Variants in SUSD4 observed in about 807,000 individuals in gnomAD.
SUSD4 encodes sushi domain-containing protein 4.
SUSD4 carries 41 observed loss-of-function variants against 50.5 expected under a neutral mutation model. The observed-to-expected ratio is 0.81, with a 90% confidence interval of 0.63 to 1.05. The LOEUF (loss-of-function observed/expected upper bound fraction) is 1.05. Among genes scored for constraint, SUSD4 ranks in the 50% least tolerant of loss-of-function variants. SUSD4 has a pLI of 0.00. For synonymous variants in SUSD4, 257 were observed against 257.3 expected (o/e 1.00, Z 0.01); for missense variants, 580 against 634.7 (o/e 0.91, Z 0.93).
intron 2 of SUSD4, among the ~76,000 whole-genome samples, chr1:223,301,472 C>T (rs1665190254): frequency 6.6e-6 from 1 of 152,222 alleles, no homozygotes; most frequent in Non-Finnish European, 1.5e-5. Context: ...GTTCTAGAGA[C>T]TGGAGTACAC....
intron 3 of SUSD4, among the ~76,000 whole-genome samples, chr1:223,287,913 T>C (rs1349542389): frequency 6.6e-6 from 1 of 152,070 alleles, no homozygotes; most frequent in Admixed American, 6.6e-5. Context: ...CAGTTTAGTC[T>C]CCAAAAGCAC....
chr1:223,255,594 G>A (rs1288402486), intron 5 of SUSD4, among the ~76,000 whole-genome samples: 1 of 152,154 alleles, frequency 6.6e-6, no homozygotes, highest in East Asian at 1.9e-4. Flanking sequence ...GGAACTCCCA[G>A]GGCCTTAGAG....
intron 3 of SUSD4, among the ~76,000 whole-genome samples, chr1:223,283,838 C>A (rs534708600): frequency 6.6e-6 from 1 of 152,258 alleles, no homozygotes; most frequent in South Asian, 2.1e-4. Context: ...ACCCAAATGT[C>A]CATTAATGAT....
At chr1:223,284,386 C>A (rs1291962424) in intron 3 of SUSD4, among the ~76,000 whole-genome samples, 1 of 152,098 alleles carries the variant, frequency 6.6e-6, no homozygotes, top group Admixed American at 6.5e-5. Flanking sequence ...GGTGAGATGA[C>A]CATACTGGAA....
chr1:223,291,300 C>G (rs181260639), intron 3 of SUSD4, among the ~76,000 whole-genome samples: 15 of 151,888 alleles, frequency 9.9e-5, no homozygotes, highest in Non-Finnish European at 2.1e-4. Context: ...TGAGACTAAC[C>G]TGGGCAACAT....
chr1:223,363,902 A>C (rs1317588314), intron 1 of SUSD4, 155 bp downstream of exon 1: 1 of 152,170 alleles, frequency 6.6e-6, no homozygotes, highest in Non-Finnish European at 1.5e-5. Context: ...ATTGGGATCG[A>C]TCCTACTGCC....
In SUSD4 at chr1:223,286,330, T is replaced by G. The variant is rs1411273951; in HGVS notation, c.361+6109A>C. Among the ~76,000 whole-genome samples the G allele has an allele frequency of 3.3e-5, 5 of 152,372 alleles. No individual in the cohort carries two copies. In the South Asian group the frequency reaches 6.2e-4, roughly 19 times the overall value. On this transcript the variant is annotated intron_variant, in intron 3 of 8. Coordinates refer to ENST00000366878, the MANE Select transcript of SUSD4 (RefSeq NM_017982.4). ...TGGGGTTTCACCGTGTTAGCCAGGATGGTCTCAATCTCCTGACCTCGTGAT... is the reference window on the plus strand; with the variant it reads ...TGGGGTTTCACCGTGTTAGCCAGGAGGGTCTCAATCTCCTGACCTCGTGAT...
At chr1:223,245,391 AG>A (rs1660851128) in intron 5 of SUSD4, among the ~76,000 whole-genome samples, 1 of 152,064 alleles carries the variant, frequency 6.6e-6, no homozygotes, top group African/African-American at 2.4e-5. Flanking sequence ...CATAAAAACT[AG>A]GAAGGACTCG....
intron 3 of SUSD4, among the ~76,000 whole-genome samples, chr1:223,273,816 T>C (rs892146293): frequency 3.3e-5 from 5 of 152,226 alleles, no homozygotes; most frequent in Non-Finnish European, 5.9e-5. Flanking sequence ...ATAGCCCCAC[T>C]GGAAGACAAC....
At chr1:223,292,038 A>AC (rs1664524069) in intron 3 of SUSD4, among the ~76,000 whole-genome samples, 1 of 152,196 alleles carries the variant, frequency 6.6e-6, no homozygotes, top group African/African-American at 2.4e-5. Flanking sequence ...TAATTGATTT[A>AC]ATCCTCTGAG....
At chr1:223,259,873 C>T (rs902840306) in intron 5 of SUSD4, among the ~76,000 whole-genome samples, 1 of 152,184 alleles carries the variant, frequency 6.6e-6, no homozygotes, top group Non-Finnish European at 1.5e-5. Flanking sequence ...GTGCTGGAGC[C>T]TCTCACACAC....
chr1:223,331,733 G>T (rs914048239), intron 2 of SUSD4, among the ~76,000 whole-genome samples: 1 of 152,114 alleles, frequency 6.6e-6, no homozygotes, highest in East Asian at 1.9e-4. Flanking sequence ...AGGAGAGACC[G>T]ACTCCATCTG....
At chr1:223,264,096 T>A (rs1325771319) in intron 5 of SUSD4, 2 of 985,284 alleles carry the variant, frequency 2.0e-6, no homozygotes, top group African/African-American at 3.5e-5. Flanking sequence ...TTCTCACTAC[T>A]TCATACTACT....
intron 7 of SUSD4, among the ~76,000 whole-genome samples, chr1:223,226,113 GCT>G (rs1474339674): frequency 2.0e-5 from 3 of 152,172 alleles, no homozygotes; most frequent in African/African-American, 7.2e-5. Flanking sequence ...AGCTCTGTGG[GCT>G]CTTTTAAAGT....
chr1:223,261,388 A>C (rs1341753093), intron 5 of SUSD4, among the ~76,000 whole-genome samples: 2 of 151,514 alleles, frequency 1.3e-5, no homozygotes, highest in Non-Finnish European at 1.5e-5. Context: ...GAAGTGACAA[A>C]GATCCATGCT....
intron 2 of SUSD4, 24 bp from the exon 3 acceptor site, chr1:223,292,675 G>A (rs1166388577): frequency 6.2e-7 from 1 of 1,610,996 alleles, no homozygotes; most frequent in East Asian, 2.2e-5. Context: ...GAGAGGAAAA[G>A]GTGCCTATGA....
chr1:223,277,205 A>C (rs1489912694), intron 3 of SUSD4, among the ~76,000 whole-genome samples: 2 of 152,254 alleles, frequency 1.3e-5, no homozygotes, highest in East Asian at 3.8e-4. Flanking sequence ...AACCTTCTTA[A>C]CATCAAATTA....
chr1:223,268,373 T>C lies in SUSD4; in HGVS notation c.535+129A>G, dbSNP rs192130378. The C allele has an allele frequency of 1.3e-3, 1,533 of 1,225,010 alleles. 1 individual carries two copies. The highest frequency in any genetic ancestry group is 1.6e-3 in the Non-Finnish European group (1,449 of 898,500). The allele number at this position is 1,225,010 out of a possible 1,614,324, so 75.9% of individuals were successfully genotyped here. A position where few individuals can be genotyped will look rare whatever the true frequency, so the allele number is the denominator to read the frequency against. On this transcript the variant is annotated intron_variant, in intron 4 of 8. Transcript: ENST00000366878. ...TGTAGTAAAGATGCAACTGGATCCATGTGGGGTAGATGGCTTTGTTCATTT... is the reference window on the plus strand; with the variant it reads ...TGTAGTAAAGATGCAACTGGATCCACGTGGGGTAGATGGCTTTGTTCATTT...
chr1:223,229,871 T>A lies in SUSD4; in HGVS notation c.725-483A>T, dbSNP rs1659776321. ...CTAACCTGATCCCCTACAGCTCTGC[T>A]GAGGCTTAGCCAATGACGAACATGG... is the stretch of plus-strand genomic sequence containing the variant. On this transcript the variant is annotated intron_variant, in intron 5 of 8. Transcript: ENST00000366878. This position sits in a 1 kb window ranked among gnomAD's most constrained non-coding sequence, Gnocchi z 4.7. Among the ~76,000 whole-genome samples, 1 of 152,240 alleles carries A rather than the reference T, an allele frequency of 6.6e-6. No homozygotes were observed. The highest frequency in any genetic ancestry group is 1.5e-5 in the Non-Finnish European group (1 of 68,048).
Sources: gnomAD v4.1 joint callset for allele counts (sites outside exome capture counted in the v4.1 genomes callset) on GRCh38, gnomAD v4.1.1 for gene constraint, Gnocchi (gnomAD v3.1) non-coding constraint, MANE v1.5 for transcripts, NCBI Gene and HGNC (gene_info 2026-07-23, HGNC 2026-07-21) for gene names.